Variants in RANBP17 observed in about 807,000 individuals in gnomAD.
RANBP17 encodes RAN binding protein 17, also known as ran-binding protein 17.
Under a neutral mutation model 141.2 loss-of-function variants are expected in RANBP17, and 158 were observed. That is an observed-to-expected ratio of 1.12 (90% CI 0.98 to 1.28). The LOEUF (loss-of-function observed/expected upper bound fraction) is 1.28, where lower values mean the gene tolerates loss of function less well. Among genes scored for constraint, RANBP17 ranks in the 50% most tolerant of loss-of-function variants. RANBP17 has a pLI of 0.00. For synonymous variants in RANBP17, 430 were observed against 450.0 expected, an observed-to-expected ratio of 0.96 and a Z score of 0.56; for missense variants, 1,438 against 1,290.7, an observed-to-expected ratio of 1.11 and a Z score of -1.75.
chr5:171,170,310 A>C (rs1306488888), intron 15 of RANBP17, 107 bp downstream of exon 15: 4 of 477,592 alleles, frequency 8.4e-6, no homozygotes, highest in Non-Finnish European at 1.5e-5. Context: ...TAAATAAAAG[A>C]CTTAAAATTA....
chr5:171,098,682 T>C (rs1203942699), intron 14 of RANBP17, among the ~76,000 whole-genome samples: 1 of 152,190 alleles, frequency 6.6e-6, no homozygotes, highest in Non-Finnish European at 1.5e-5. Context: ...TTGCAATTGC[T>C]TTTGGTGTTT....
chr5:171,247,778 C>T (rs1298470153), intron 24 of RANBP17, among the ~76,000 whole-genome samples: 2 of 152,130 alleles, frequency 1.3e-5, no homozygotes, highest in Non-Finnish European at 2.9e-5. Flanking sequence ...CTTTCTAAAC[C>T]TTGGCAGTAC....
chr5:170,992,885 G>T (rs1561965570), intron 14 of RANBP17, among the ~76,000 whole-genome samples: 1 of 152,078 alleles, frequency 6.6e-6, no homozygotes, highest in Non-Finnish European at 1.5e-5. Flanking sequence ...AAATTCTCGA[G>T]CCCTGCTCCA....
At chr5:170,924,124 C>T (rs537195630) in intron 11 of RANBP17, among the ~76,000 whole-genome samples, 17 of 151,728 alleles carry the variant, frequency 1.1e-4, no homozygotes, top group African/African-American at 3.1e-4. Flanking sequence ...CAGCCTCTTG[C>T]GTAACTGGGA....
intron 14 of RANBP17, among the ~76,000 whole-genome samples, chr5:171,083,448 A>T (rs1246892546): frequency 6.6e-6 from 1 of 152,188 alleles, no homozygotes; most frequent in Non-Finnish European, 1.5e-5. Context: ...GAGCTGTGAG[A>T]AATAAATTTC....
intron 14 of RANBP17, among the ~76,000 whole-genome samples, chr5:171,134,254 A>G (rs1415807259): frequency 6.6e-6 from 1 of 152,204 alleles, no homozygotes; most frequent in Non-Finnish European, 1.5e-5. Context: ...GATCATAAAT[A>G]TTGGGATTTT....
rs556277389 is a variant in RANBP17 at position 170,867,310 on chromosome 5, T to C, written c.18+5259T>C. On this transcript the variant is annotated intron_variant, in intron 1 of 27. Transcript: ENST00000523189. ...TCTTGAGGAATTTATGTATATTTGA[T>C]CTCAGCTTTAGTTTTTTAAATCTGT... Among the ~76,000 whole-genome samples the C allele has an allele frequency of 9.2e-5, 14 of 152,342 alleles. No individual in the cohort carries two copies. The East Asian group carries it at 2.3e-3, about 25-fold the overall frequency.
At chr5:171,283,680 A>G (rs974929746) in intron 25 of RANBP17, among the ~76,000 whole-genome samples, 2 of 152,240 alleles carry the variant, frequency 1.3e-5, no homozygotes, top group Non-Finnish European at 2.9e-5. Flanking sequence ...GTTCATGAGC[A>G]TGATGATTGG....
At chr5:171,210,638 G>T (rs1157296764) in intron 20 of RANBP17, among the ~76,000 whole-genome samples, 2 of 152,120 alleles carry the variant, frequency 1.3e-5, no homozygotes, top group African/African-American at 4.8e-5. Flanking sequence ...CATTGGTTCA[G>T]AATTTCTGTA....
At chr5:170,896,909 C>G (rs770036880) in intron 5 of RANBP17, 5 of 634,382 alleles carry the variant, frequency 7.9e-6, no homozygotes, top group Admixed American at 4.7e-5. Context: ...ACAAGCGCCC[C>G]CAGCTGACTA....
chr5:170,892,463 T>G lies in RANBP17; in HGVS notation c.333T>G (p.Ile111Met). The G allele has an allele frequency of 6.2e-7, 1 of 1,614,086 alleles. No homozygotes were observed. Among genetic ancestry groups the G allele is most frequent in the Non-Finnish European group, 8.5e-7 (1 of 1,179,982 alleles). Residue 111 changes from isoleucine to methionine, a missense_variant, in exon 4 of 28, where the codon ATT becomes ATG. Transcript: ENST00000523189. Reference sequence around the variant, plus strand: ...TCATCCAAGCTCTTATTCAAGTCATTGCTAAAATCACTAAGTTGGGGTGGT... The same window carrying G: ...TCATCCAAGCTCTTATTCAAGTCATGGCTAAAATCACTAAGTTGGGGTGGT... Reference protein sequence around the residue: ...PFVIQALIQVIAKITKLGWFE... With the variant: ...PFVIQALIQVMAKITKLGWFE...
intron 14 of RANBP17, among the ~76,000 whole-genome samples, chr5:171,147,339 T>TTGTGTGTCTGTG (rs1758105220): frequency 1.9e-5 from 2 of 104,852 alleles, no homozygotes; most frequent in Non-Finnish European, 3.7e-5. Flanking sequence ...CTTGGTTGTT[T>TTGTGTGTCTGTG]TGTGTGTGTG....
intron 3 of RANBP17, among the ~76,000 whole-genome samples, chr5:170,892,121 A>G (rs1769673784): frequency 7.4e-6 from 1 of 135,728 alleles, no homozygotes; most frequent in East Asian, 2.3e-4. Context: ...TTTAAAGTTC[A>G]CAAAATTCTT....
intron 5 of RANBP17, among the ~76,000 whole-genome samples, chr5:170,900,644 G>C (rs1770555921): frequency 6.6e-6 from 1 of 152,114 alleles, no homozygotes; most frequent in Non-Finnish European, 1.5e-5. Flanking sequence ...TCTGGTTGTG[G>C]GCATTTAGTG....
intron 22 of RANBP17, among the ~76,000 whole-genome samples, chr5:171,233,758 G>A (rs759496277): frequency 3.3e-5 from 5 of 152,132 alleles, no homozygotes; most frequent in Non-Finnish European, 5.9e-5. Flanking sequence ...GGATGAATAG[G>A]CAGAGCAGAG....
At chr5:170,949,032 G>A (rs1561920894) in intron 12 of RANBP17, among the ~76,000 whole-genome samples, 1 of 152,094 alleles carries the variant, frequency 6.6e-6, no homozygotes. Context: ...ATGTGGGCCT[G>A]TGATCCCAGC....
intron 14 of RANBP17, chr5:171,028,753 G>A: frequency 2.4e-6 from 1 of 411,514 alleles, no homozygotes; most frequent in South Asian, 2.0e-5. Flanking sequence ...CTTGCATACA[G>A]AGAAGAGCTA....
At chr5:170,893,302 A>G (rs1769810462) in intron 4 of RANBP17, among the ~76,000 whole-genome samples, 1 of 152,116 alleles carries the variant, frequency 6.6e-6, no homozygotes, top group East Asian at 1.9e-4. Context: ...ATTAAACTAA[A>G]TCATGCCAGT....
At chr5:171,187,443 T>TAAAAA (rs543248889) in intron 18 of RANBP17, among the ~76,000 whole-genome samples, 1 of 142,960 alleles carries the variant, frequency 7.0e-6, no homozygotes, top group African/African-American at 2.6e-5. Context: ...TTAATTTGTT[T>TAAAAA]AAAAAAAAAA....
Sources: gnomAD v4.1 joint callset for allele counts (sites outside exome capture counted in the v4.1 genomes callset) on GRCh38, gnomAD v4.1.1 for gene constraint, MANE v1.5 for transcripts, NCBI Gene and HGNC (gene_info 2026-07-23, HGNC 2026-07-21) for gene names.